DUOXA1: variants seen among roughly 807,000 people sequenced by gnomAD.
DUOXA1 encodes the protein dual oxidase maturation factor 1.
A neutral mutation model predicts 26.6 loss-of-function variants in DUOXA1; 19 were observed. The observed-to-expected ratio is 0.71, with a 90% CI of 0.50 to 1.05. The LOEUF (loss-of-function observed/expected upper bound fraction) is 1.05. Ranked by LOEUF, DUOXA1 falls within the 50% of genes least tolerant of loss-of-function variation. DUOXA1 has a pLI of 0.00. For missense variants in DUOXA1, 403 were observed against 427.5 expected (o/e 0.94, Z 0.51); for synonymous variants, 166 against 177.0 (o/e 0.94, Z 0.49).
At chr15:45,119,427 C>A in intron 8 of DUOXA1, 62 bp from the exon 9 acceptor site, 1 of 1,515,594 alleles carries the variant, frequency 6.6e-7, no homozygotes, top group South Asian at 1.2e-5. Context: ...AGGATATCTT[C>A]CCCTGGGAGT....
At chr15:45,127,056 C>T (rs946112311) in intron 3 of DUOXA1, among the ~76,000 whole-genome samples, 2 of 152,050 alleles carry the variant, frequency 1.3e-5, no homozygotes, top group Non-Finnish European at 2.9e-5. Context: ...TATTTTAAAG[C>T]AGATGTTTAC....
In DUOXA1 at chr15:45,118,869, C is replaced by T. The variant is rs1934383154; in HGVS notation, c.*237G>A. ...GCAGATAAGCTAGCCCCTGCTTGGC[C>T]TTATCATGGCAACAGGCTTTATGGA... On this transcript the variant is annotated 3_prime_UTR_variant, in exon 9 of 9. Transcript: ENST00000560572. The T allele has an allele frequency of 8.1e-7, 1 of 1,237,000 alleles. No homozygotes were observed. The highest frequency in any genetic ancestry group is 3.3e-5 in the East Asian group (1 of 30,296). 76.6% of individuals were successfully genotyped at this position (1,237,000 alleles called of 1,614,324 possible).
At chr15:45,125,611 A>G (rs1447617457) in intron 3 of DUOXA1, among the ~76,000 whole-genome samples, 1 of 152,024 alleles carries the variant, frequency 6.6e-6, no homozygotes, top group Non-Finnish European at 1.5e-5. Context: ...TTCACTTTTC[A>G]TGCTTCTTGA....
rs1027261403 is a variant in DUOXA1 at position 45,129,104 on chromosome 15, G to A, written c.-116C>T. On this transcript the variant is annotated 5_prime_UTR_variant, in exon 3 of 9. Coordinates refer to ENST00000560572, the MANE Select transcript of DUOXA1 (RefSeq NM_001276266.2). The surrounding 1 kb of genome is among the most constrained non-coding windows in gnomAD (Gnocchi z 4.1). ...CCTCACACGAAGCGCCCCCGGGGGT[G>A]TGATTAAAGAGGGAACCAGGTCCCG... 4 of 152,176 alleles carry A rather than the reference G, an allele frequency of 2.6e-5. No homozygotes were observed. Among genetic ancestry groups the A allele is most frequent in the African/African-American group, 9.7e-5 (4 of 41,408 alleles). The allele number at this position is 152,176 out of a possible 1,614,324, so 9.4% of individuals were successfully genotyped here.
rs114206612 is a variant in DUOXA1 at position 45,120,749 on chromosome 15, G to A, written c.397C>T (p.Arg133Cys). ...TINYNEEFTWRLGENYAEEYA... is the reference protein window; with the variant it reads ...TINYNEEFTWCLGENYAEEYA... ...TCCTCAGCATAGTTCTCACCCAGGC[G>A]CCAGGTGAACTCCTCGTTGTAATTG... is the stretch of plus-strand genomic sequence containing the variant. The change falls in exon 7 of 9, where the codon CGC (arginine) becomes TGC (cysteine). Residue 133 changes from arginine to cysteine, a missense_variant. Arg to Cys is a radical substitution (Grantham distance 180, BLOSUM62 -3). Coordinates refer to ENST00000560572, the MANE Select transcript of DUOXA1 (RefSeq NM_001276266.2). 560 of 1,614,082 alleles carry A rather than the reference G, an allele frequency of 3.5e-4. 1 individual carries two copies. The African/African-American group carries it at 3.7e-3, about 11-fold the overall frequency.
intron 8 of DUOXA1, 115 bp downstream of exon 8, chr15:45,119,988 G>A: frequency 8.1e-7 from 1 of 1,234,104 alleles, no homozygotes; most frequent in Non-Finnish European, 1.2e-6. Context: ...TTTAAAGAGG[G>A]CAAAGCCATC....
chr15:45,124,383 T>A (rs1895502205), intron 3 of DUOXA1, among the ~76,000 whole-genome samples: 1 of 152,224 alleles, frequency 6.6e-6, no homozygotes, highest in Non-Finnish European at 1.5e-5. Context: ...AAATAAGCTA[T>A]CAAGTTGGGA....
chr15:45,120,997 A>G, intron 6 of DUOXA1, 90 bp downstream of exon 6: 27 of 1,580,170 alleles, frequency 1.7e-5, no homozygotes, highest in Non-Finnish European at 2.3e-5. Flanking sequence ...CCCCTGTGCC[A>G]GGCATCCTAT....
chr15:45,117,702 C>G lies in DUOXA1; in HGVS notation c.*1404G>C. Reference sequence around the variant, plus strand: ...TCCACATGCCCTCCTTTCTTTCGATCCCCACCGCCACAGGCGTCCTGTGCC... The same window carrying G: ...TCCACATGCCCTCCTTTCTTTCGATGCCCACCGCCACAGGCGTCCTGTGCC... On this transcript the variant is annotated 3_prime_UTR_variant, in exon 9 of 9. Transcript: ENST00000560572. 1 of 1,613,604 alleles carries G rather than the reference C, an allele frequency of 6.2e-7. No homozygotes were observed. The highest frequency in any genetic ancestry group is 2.2e-5 in the East Asian group (1 of 44,848).
Position 45,121,209 on chromosome 15 carries a change from C to T in DUOXA1, c.218G>A (p.Ser73Asn). The T allele has an allele frequency of 6.2e-7, 1 of 1,614,186 alleles. No individual in the cohort carries two copies. Among genetic ancestry groups the T allele is most frequent in the South Asian group, 1.1e-5 (1 of 91,082 alleles). Reference sequence around the variant, plus strand: ...GACCTGGCCCACAGACCACTCAGAACTGAAATTCACAGCTGTGGTTGGGGA... The same window carrying T: ...GACCTGGCCCACAGACCACTCAGAATTGAAATTCACAGCTGTGGTTGGGGA... ...IGAAILAVNF[S>N]SEWSVGQVST... is the part of the protein sequence containing the mutation. Residue 73 changes from serine to asparagine, a missense_variant, in exon 6 of 9, where the codon AGT becomes AAT. Physicochemically the swap from Ser to Asn is conservative, Grantham distance 46. Transcript: ENST00000560572.
At chr15:45,121,372 C>A (rs1895188127) in intron 5 of DUOXA1, 151 bp from the exon 6 acceptor site, 1 of 1,145,892 alleles carries the variant, frequency 8.7e-7, no homozygotes, top group Non-Finnish European at 1.2e-6. Flanking sequence ...GGTAAGTCTG[C>A]CAACCACATG....
At chr15:45,122,403 T>C (rs746980872) in intron 4 of DUOXA1, among the ~76,000 whole-genome samples, 161 bp from the exon 5 acceptor site, 9 of 152,106 alleles carry the variant, frequency 5.9e-5, no homozygotes, top group Non-Finnish European at 1.3e-4. Flanking sequence ...TGTATTTATG[T>C]ATGCATTTAT....
At position 45,120,700 on chromosome 15, in the gene DUOXA1, C is replaced by G. The variant is rs547005852; in HGVS notation, c.446G>C (p.Gly149Ala). ...TAGGTACAACACAGGGTCTGGCAGC[C>G]CCTTCTCCAGAGCCTTTGCATACTC... is the stretch of plus-strand genomic sequence containing the variant. ...AEEYAKALEK[G>A]LPDPVLYLAE... The change falls in exon 7 of 9, where the codon GGG (glycine) becomes GCG (alanine). Residue 149 changes from glycine to alanine, a missense_variant. Transcript: ENST00000560572. The G allele has an allele frequency of 6.2e-7, 1 of 1,613,966 alleles. No homozygotes were observed. Among genetic ancestry groups the G allele is most frequent in the Non-Finnish European group, 8.5e-7 (1 of 1,180,018 alleles).
chr15:45,119,125 T>C lies in DUOXA1; in HGVS notation c.1013A>G (p.Asp338Gly). ...KAYCKEAHPK[D>G]PDCAL ...GGAATGTTATAAAGCACAATCAGGA[T>C]CTTTGGGGTGTGCCTCCTTACAGTA... is the stretch of plus-strand genomic sequence containing the variant. Residue 338 changes from aspartate (D) to glycine (G), a missense_variant, in exon 9 of 9, where the codon GAT becomes GGT. Physicochemically the swap from Asp to Gly is moderately conservative, Grantham distance 94 (BLOSUM62 -1). Transcript: ENST00000560572. 1.3e-5 allele frequency: 21 copies of C among 1,594,756 alleles called. No homozygotes were observed. Among genetic ancestry groups the C allele is most frequent in the Non-Finnish European group, 1.8e-5 (21 of 1,164,722 alleles).
chr15:45,121,411 T>G (rs1395818647), intron 5 of DUOXA1, among the ~76,000 whole-genome samples, 190 bp from the exon 6 acceptor site: 1 of 152,200 alleles, frequency 6.6e-6, no homozygotes, highest in African/African-American at 2.4e-5. Context: ...CATATTCTGT[T>G]TACCTCTTCC....
At position 45,118,198 on chromosome 15, in the gene DUOXA1, C is replaced by G; in HGVS notation, c.*908G>C. The G allele has an allele frequency of 4.9e-6, 7 of 1,425,192 alleles. No homozygotes were observed. The highest frequency in any genetic ancestry group is 6.4e-6 in the Non-Finnish European group (7 of 1,095,342). 88.3% of individuals were successfully genotyped at this position (1,425,192 alleles called of 1,614,324 possible). A position where few individuals can be genotyped will look rare whatever the true frequency, so the allele number is the denominator to read the frequency against. ...GGCTGGAGACAGCCTAGTACACTCT[C>G]CGCAGTGCTGTGAAACCTGATTCTC... On this transcript the variant is annotated 3_prime_UTR_variant, in exon 9 of 9. Transcript: ENST00000560572.
At position 45,120,589 on chromosome 15, in the gene DUOXA1, C is replaced by T. The variant is rs1895092564; in HGVS notation, c.554+3G>A. ...CTCCACCCCGTCTCCTTCCCATCCT[C>T]ACCATAGCATGGCTGAGGTGTAGTG... is the stretch of plus-strand genomic sequence containing the variant. On this transcript the variant is annotated splice_donor_region_variant and intron_variant, in intron 7 of 8. Coordinates refer to ENST00000560572, the MANE Select transcript of DUOXA1 (RefSeq NM_001276266.2). 3.1e-6 allele frequency: 5 copies of T among 1,614,068 alleles called. No homozygotes were observed. The highest frequency in any genetic ancestry group is 2.2e-5 in the South Asian group (2 of 91,076).
At chr15:45,120,482 C>G (rs1566990219) in intron 7 of DUOXA1, 110 bp downstream of exon 7, 1 of 1,451,472 alleles carries the variant, frequency 6.9e-7, no homozygotes, top group Non-Finnish European at 9.7e-7. Flanking sequence ...GGGACTGGTG[C>G]CAGGCCACCC....
chr15:45,118,712 G>T lies in DUOXA1; in HGVS notation c.*394C>A, dbSNP rs142361135. The T allele has an allele frequency of 7.0e-6, 7 of 1,000,100 alleles. No homozygotes were observed. In the East Asian group the frequency reaches 7.4e-4, roughly 105 times the overall value. 62.0% of individuals were successfully genotyped at this position (1,000,100 alleles called of 1,614,324 possible). A position where few individuals can be genotyped will look rare whatever the true frequency, so the allele number is the denominator to read the frequency against. On this transcript the variant is annotated 3_prime_UTR_variant, in exon 9 of 9. Transcript: ENST00000560572. ...CCCAGGAAAAAGGAAAACAAGAGGT[G>T]CCGAGGGATGAGAGGAAACCATAGG...
Sources: gnomAD v4.1 joint callset for allele counts (sites outside exome capture counted in the v4.1 genomes callset) on GRCh38, gnomAD v4.1.1 for gene constraint, Gnocchi (gnomAD v3.1) non-coding constraint, MANE v1.5 for transcripts, NCBI Gene and HGNC (gene_info 2026-07-23, HGNC 2026-07-21) for gene names.